ZBTB37: variants seen among roughly 807,000 people sequenced by gnomAD.
ZBTB37 encodes zinc finger and BTB domain containing 37.
Under a neutral mutation model 37.7 loss-of-function variants are expected in ZBTB37, and 15 were observed. The observed-to-expected ratio is 0.40, with a 90% CI of 0.27 to 0.61. ZBTB37 has a LOEUF of 0.61. ZBTB37 is among the 20% of genes least tolerant of loss of function. The pLI is 0.44. For synonymous variants in ZBTB37, 231 were observed against 220.6 expected (o/e 1.05, Z -0.42); for missense variants, 514 against 641.9 (o/e 0.80, Z 2.15).
intron 3 of ZBTB37, among the ~76,000 whole-genome samples, chr1:173,871,963 T>C (rs1335838908): frequency 6.6e-6 from 1 of 152,234 alleles, no homozygotes; most frequent in Non-Finnish European, 1.5e-5. Flanking sequence ...ATTGACTATA[T>C]GAGCAAAGAA....
exon 4 of ZBTB37, chr1:173,901,374 C>G (rs547675198): frequency 1.3e-5 from 2 of 151,424 alleles, no homozygotes; most frequent in African/African-American, 4.9e-5. Flanking sequence ...GGCTTCCTTC[C>G]CTTTAAGAAA....
chr1:173,879,109 AT>A (rs1159483117), intron 4 of ZBTB37, among the ~76,000 whole-genome samples: 2 of 151,550 alleles, frequency 1.3e-5, no homozygotes, highest in East Asian at 3.9e-4. Flanking sequence ...AAAAAAAAAA[AT>A]CAGCATTTAT....
chr1:173,887,048 A>G (rs1282526290), downstream of ZBTB37: 2 of 152,086 alleles, frequency 1.3e-5, no homozygotes, highest in African/African-American at 2.4e-5. Context: ...TTTGGCTCCT[A>G]TTTTCACGTT....
At chr1:173,871,130 C>G (rs1655534556) in exon 3 of ZBTB37, 1 of 1,604,816 alleles carries the variant, frequency 6.2e-7, no homozygotes, top group African/African-American at 1.3e-5. Context: ...GCTCGGCCAA[C>G]AAGCAGTGAA....
chr1:173,894,662 A>G (rs755194825), exon 4 of ZBTB37: 1 of 152,256 alleles, frequency 6.6e-6, no homozygotes. Context: ...CGAAGAACTT[A>G]ATGGTAAGAT....
intron 4 of ZBTB37, among the ~76,000 whole-genome samples, chr1:173,875,288 G>A (rs1233175812): frequency 6.7e-6 from 1 of 148,836 alleles, no homozygotes; most frequent in East Asian, 2.0e-4. Context: ...TTACTAATTT[G>A]TAGCATTTTA....
exon 4 of ZBTB37, chr1:173,892,100 G>A (rs937047042): frequency 1.3e-5 from 2 of 152,194 alleles, no homozygotes; most frequent in African/African-American, 4.8e-5. Context: ...GCTTAGAGCA[G>A]TTATACCTAT....
At chr1:173,874,255 CAAA>C (rs1285477473) in intron 4 of ZBTB37, among the ~76,000 whole-genome samples, 6 of 46,762 alleles carry the variant, frequency 1.3e-4, no homozygotes, top group South Asian at 1.4e-3. Context: ...AACTCCGTCT[CAAA>C]AAAAAAAAAA....
At chr1:173,871,383 C>A (rs544154898) in intron 3 of ZBTB37, among the ~76,000 whole-genome samples, 6 of 152,316 alleles carry the variant, frequency 3.9e-5, no homozygotes, top group African/African-American at 1.4e-4. Context: ...TTAGACACTT[C>A]CGTGAATCAG....
At chr1:173,894,390 G>C (rs1249354106) in exon 4 of ZBTB37, 1 of 152,182 alleles carries the variant, frequency 6.6e-6, no homozygotes, top group African/African-American at 2.4e-5. Context: ...GTATTCAGCA[G>C]GTGGTTAGAC....
At chr1:173,880,718 CAATA>C (rs150892098) in intron 4 of ZBTB37, among the ~76,000 whole-genome samples, 15,907 of 152,168 alleles carry the variant, frequency 0.1, 942 homozygotes, top group Middle Eastern at 0.18. Context: ...AAGTTTAAAA[CAATA>C]AAACTACAAA....
exon 4 of ZBTB37, chr1:173,902,690 C>T (rs1657312643): frequency 6.6e-6 from 1 of 152,122 alleles, no homozygotes; most frequent in African/African-American, 2.4e-5. Context: ...TAAACCTCCA[C>T]CTCCCCCTCT....
exon 5 of ZBTB37, chr1:173,886,310 T>G: frequency 2.4e-6 from 2 of 848,920 alleles, no homozygotes; most frequent in Non-Finnish European, 1.7e-6. Context: ...CCCTTCTTAT[T>G]GCCCGCCTCA....
At chr1:173,880,098 A>G (rs1382393134) in intron 4 of ZBTB37, among the ~76,000 whole-genome samples, 1 of 152,214 alleles carries the variant, frequency 6.6e-6, no homozygotes, top group Admixed American at 6.5e-5. Context: ...GGAACACAGG[A>G]TCAGGCACAC....
intron 4 of ZBTB37, among the ~76,000 whole-genome samples, chr1:173,875,466 C>A (rs1655911155): frequency 1.3e-5 from 2 of 151,322 alleles, no homozygotes; most frequent in Admixed American, 1.3e-4. Context: ...GCTGGGATTA[C>A]AGGCGCCCGC....
At chr1:173,882,892 A>C (rs1381453998) in intron 4 of ZBTB37, among the ~76,000 whole-genome samples, 1 of 152,240 alleles carries the variant, frequency 6.6e-6, no homozygotes, top group Non-Finnish European at 1.5e-5. Flanking sequence ...GATTATAAAT[A>C]ATATGAATTT....
chr1:173,874,053 C>T (rs1016196035), intron 4 of ZBTB37, among the ~76,000 whole-genome samples: 6 of 151,870 alleles, frequency 4.0e-5, no homozygotes, highest in South Asian at 2.1e-4. Context: ...GTCCGGAGTT[C>T]GAGACCAGCT....
At chr1:173,884,014 C>A (rs960849965) in intron 4 of ZBTB37, among the ~76,000 whole-genome samples, 15 of 152,068 alleles carry the variant, frequency 9.9e-5, no homozygotes, top group Admixed American at 3.9e-4. Context: ...TAATTCCCTC[C>A]TACATATTTA....
rs761418540 is a variant in ZBTB37, at chr1:173,870,610, A to T, written c.385A>T (p.Ile129Phe). The T allele has an allele frequency of 6.2e-6, 10 of 1,614,104 alleles. No individual in the cohort carries two copies. In the South Asian group the frequency reaches 9.9e-5, roughly 16 times the overall value. ...GATCCTGGAGGGCATTCATTTCAAA[A>T]TTAATGTGGCTGAGGTTGAAGCAGA... Residue 129 changes from isoleucine to phenylalanine, a missense_variant, in exon 3 of 5, where the codon ATT (isoleucine) becomes TTT (phenylalanine). This residue lies in a region of ZBTB37 where 323 missense variants were observed against 321.9 expected (regional missense o/e 1.00). Transcript: ENST00000427304.
Sources: gnomAD v4.1 joint callset for allele counts (sites outside exome capture counted in the v4.1 genomes callset) on GRCh38, gnomAD v4.1.1 for gene constraint, gnomAD v4.1.1 regional missense constraint, MANE v1.5 for transcripts, NCBI Gene and HGNC (gene_info 2026-07-23, HGNC 2026-07-21) for gene names.